The following ZDHHC3 variants were observed in gnomAD, a reference collection of about 807,000 sequenced individuals.
ZDHHC3 encodes the protein palmitoyltransferase ZDHHC3.
Under a neutral mutation model 30.6 loss-of-function variants are expected in ZDHHC3, and 9 were observed. The ratio of observed to expected loss-of-function variants is 0.29; its 90% CI spans 0.18 to 0.51. The LOEUF is 0.51. Ranked by LOEUF, ZDHHC3 falls within the 20% of genes least tolerant of loss-of-function variation. ZDHHC3 has a pLI of 0.97. For synonymous variants in ZDHHC3, 136 were observed against 140.2 expected (o/e 0.97, Z 0.21); for missense variants, 246 against 384.2 (o/e 0.64, Z 3.01).
At chr3:44,975,564 G>C (rs1279134787) in intron 1 of ZDHHC3, 2 of 152,296 alleles carry the variant, frequency 1.3e-5, no homozygotes, top group African/African-American at 2.4e-5. Context: ...GATATTCCTG[G>C]GTGGAGGGGT....
intron 5 of ZDHHC3, among the ~76,000 whole-genome samples, chr3:44,932,492 T>C (rs893991189): frequency 6.6e-6 from 1 of 152,210 alleles, no homozygotes; most frequent in African/African-American, 2.4e-5. Context: ...TGGCCTCTTA[T>C]TTCTTTTCCT....
At chr3:44,944,004 T>G (rs1411557342) in intron 3 of ZDHHC3, among the ~76,000 whole-genome samples, 3 of 152,068 alleles carry the variant, frequency 2.0e-5, no homozygotes, top group African/African-American at 7.2e-5. Flanking sequence ...AGAGACAGGG[T>G]CTCACTTTGT....
chr3:44,933,764 GC>G, intron 4 of ZDHHC3, 123 bp downstream of exon 4: 1 of 865,680 alleles, frequency 1.2e-6, no homozygotes. Flanking sequence ...TGGCAGGAAG[GC>G]AGAGATCTAC....
intron 3 of ZDHHC3, among the ~76,000 whole-genome samples, chr3:44,935,853 C>T (rs982654402): frequency 1.3e-5 from 2 of 152,204 alleles, no homozygotes; most frequent in Admixed American, 1.3e-4. Flanking sequence ...ACACCATATA[C>T]AAAAATCAAC....
rs1267135355 is a variant in ZDHHC3, at chr3:44,923,960, T to C, written c.*2729A>G. The C allele has an allele frequency of 1.7e-5, 17 of 985,464 alleles. No homozygotes were observed. Among genetic ancestry groups the C allele is most frequent in the Non-Finnish European group, 2.0e-5 (17 of 829,928 alleles). The allele number at this position is 985,464 out of a possible 1,614,324, so 61.0% of individuals were successfully genotyped here. A position where few individuals can be genotyped will look rare whatever the true frequency, so the allele number is the denominator to read the frequency against. On this transcript the variant is annotated 3_prime_UTR_variant, in exon 7 of 7. Transcript: ENST00000424952. ...ATAGATTTGCTTGGATCTAAGCCTTTTGCATATTCAGTCTAGTTGCTATGA... is the reference window on the plus strand; with the variant it reads ...ATAGATTTGCTTGGATCTAAGCCTTCTGCATATTCAGTCTAGTTGCTATGA...
chr3:44,933,384 A>G, intron 4 of ZDHHC3, 185 bp from the exon 5 acceptor site: 1 of 617,678 alleles, frequency 1.6e-6, no homozygotes, highest in Non-Finnish European at 2.9e-6. Flanking sequence ...GCCCTGGGTC[A>G]AGTGAGCAGC....
chr3:44,954,386 C>T (rs1017375353), intron 2 of ZDHHC3, among the ~76,000 whole-genome samples: 6 of 152,130 alleles, frequency 3.9e-5, no homozygotes, highest in African/African-American at 1.4e-4. Flanking sequence ...TATCGTGTTA[C>T]AGTTGCCCAC....
chr3:44,920,519 G>A lies in ZDHHC3; in HGVS notation c.*6170C>T. The A allele has an allele frequency of 1.0e-6, 1 of 985,390 alleles. No individual in the cohort carries two copies. Among genetic ancestry groups the A allele is most frequent in the Non-Finnish European group, 1.2e-6 (1 of 829,898 alleles). 61.0% of individuals were successfully genotyped at this position (985,390 alleles called of 1,614,324 possible). On this transcript the variant is annotated 3_prime_UTR_variant, in exon 7 of 7. Transcript: ENST00000424952. ...TGAGGAGGTGGGTATGAGTATTGAT[G>A]ATTGGCAGATGGGGAAGAAACAGAA...
intron 1 of ZDHHC3, among the ~76,000 whole-genome samples, chr3:44,964,323 G>C (rs1704741022): frequency 6.6e-6 from 1 of 152,198 alleles, no homozygotes; most frequent in Non-Finnish European, 1.5e-5. Context: ...GCAGCACCTG[G>C]AGCCAAGTGA....
intron 3 of ZDHHC3, among the ~76,000 whole-genome samples, chr3:44,943,810 A>C (rs2125861844): frequency 6.6e-6 from 1 of 152,246 alleles, no homozygotes; most frequent in South Asian, 2.1e-4. Flanking sequence ...GTTCGAGACC[A>C]GCCTGGGCAA....
rs1285906757 is a variant in ZDHHC3 at position 44,923,377 on chromosome 3, A to C, written c.*3312T>G. The stretch of plus-strand genomic sequence containing the variant: ...AGGCGTGAGGGATGTCCACAGTGAG[A>C]AGTGTCCGCGCCCGGCTTAAAATGT... On this transcript the variant is annotated 3_prime_UTR_variant, in exon 7 of 7. Coordinates refer to ENST00000424952, the MANE Select transcript of ZDHHC3 (RefSeq NM_001135179.2). The C allele has an allele frequency of 1.0e-6, 1 of 985,236 alleles. No individual in the cohort carries two copies. Among genetic ancestry groups the C allele is most frequent in the Non-Finnish European group, 1.2e-6 (1 of 829,920 alleles). The allele number at this position is 985,236 out of a possible 1,614,324, so 61.0% of individuals were successfully genotyped here.
At chr3:44,929,154 C>T in intron 6 of ZDHHC3, 152 bp downstream of exon 6, 3 of 1,042,000 alleles carry the variant, frequency 2.9e-6, no homozygotes, top group Non-Finnish European at 4.1e-6. Context: ...GAAGATGACC[C>T]AAGTGTAACT....
Position 44,976,109 on chromosome 3 carries a change from G to GT in ZDHHC3, c.-202_-201insA. The GT allele has an allele frequency of 2.1e-6, 1 of 478,248 alleles. No individual in the cohort carries two copies. The highest frequency in any genetic ancestry group is 3.5e-6 in the Non-Finnish European group (1 of 286,668). 29.6% of individuals were successfully genotyped at this position (478,248 alleles called of 1,614,324 possible). ...GCCAGACACCGGGCGGCGCGCAGGA[G>GT]AAGCCCATCGAGCTCTCCCGGCAGT... On this transcript the variant is annotated 5_prime_UTR_variant, in exon 1 of 7. The change creates a premature stop within an existing upstream ORF in the 5' untranslated region. Coordinates refer to ENST00000424952, the MANE Select transcript of ZDHHC3 (RefSeq NM_001135179.2).
intron 5 of ZDHHC3, among the ~76,000 whole-genome samples, chr3:44,931,990 CA>C (rs1456881706): frequency 6.6e-6 from 1 of 152,196 alleles, no homozygotes; most frequent in Non-Finnish European, 1.5e-5. Flanking sequence ...ATTACAACAA[CA>C]GGGACATTTT....
At position 44,922,274 on chromosome 3, in the gene ZDHHC3, T is replaced by C. The variant is rs1347202813; in HGVS notation, c.*4415A>G. On this transcript the variant is annotated 3_prime_UTR_variant, in exon 7 of 7. Transcript: ENST00000424952. Reference sequence around the variant, plus strand: ...AGGTCATGTATCCAGGCTGCTACAATGCCCCTGGCTCTAGACTACTCACCG... The same window carrying C: ...AGGTCATGTATCCAGGCTGCTACAACGCCCCTGGCTCTAGACTACTCACCG... 2 of 985,364 alleles carry C rather than the reference T, an allele frequency of 2.0e-6. No individual in the cohort carries two copies. Among genetic ancestry groups the C allele is most frequent in the East Asian group, 1.1e-4 (1 of 8,832 alleles). The allele number at this position is 985,364 out of a possible 1,614,324, so 61.0% of individuals were successfully genotyped here.
chr3:44,916,612 G>A lies in ZDHHC3; in HGVS notation c.*10077C>T, dbSNP rs1259403125. 1 of 152,284 alleles carries A rather than the reference G, an allele frequency of 6.6e-6. No homozygotes were observed. Among genetic ancestry groups the A allele is most frequent in the Admixed American group, 6.5e-5 (1 of 15,286 alleles). 9.4% of individuals were successfully genotyped at this position (152,284 alleles called of 1,614,324 possible). A position where few individuals can be genotyped will look rare whatever the true frequency, so the allele number is the denominator to read the frequency against. ...ACGCTGGGGAAATGGGCCAAAGAGAGGAACAAAGGCACGTGGAGGGAGTGG... is the reference window on the plus strand; with the variant it reads ...ACGCTGGGGAAATGGGCCAAAGAGAAGAACAAAGGCACGTGGAGGGAGTGG... On this transcript the variant is annotated 3_prime_UTR_variant, in exon 7 of 7. Transcript: ENST00000424952.
rs1157872016 is a variant in ZDHHC3, at chr3:44,922,122, C to T, written c.*4567G>A. ...GAGTACGCTGGTCAGTGGCTTGTTT[C>T]TGCTTCACTGTGAATTCTTTCTCTT... On this transcript the variant is annotated 3_prime_UTR_variant, in exon 7 of 7. Transcript: ENST00000424952. 1 of 985,460 alleles carries T rather than the reference C, an allele frequency of 1.0e-6. No individual in the cohort carries two copies. Among genetic ancestry groups the T allele is most frequent in the Non-Finnish European group, 1.2e-6 (1 of 829,934 alleles). The allele number at this position is 985,460 out of a possible 1,614,324, so 61.0% of individuals were successfully genotyped here.
chr3:44,973,175 T>C (rs994082841), intron 1 of ZDHHC3, among the ~76,000 whole-genome samples: 2 of 152,234 alleles, frequency 1.3e-5, no homozygotes, highest in African/African-American at 4.8e-5. Flanking sequence ...ATATAGTTCA[T>C]AGGACAGTTA....
Position 44,920,240 on chromosome 3 carries a change from CCCTCGCCAGG to C in ZDHHC3, c.*6439_*6448del. ...GATGCCATGCTGCTTCCTGACTGGC[CCCTCGCCAGG>C]CCTCCCTTCTTGGCACAGAAGCAGT... is the stretch of plus-strand genomic sequence containing the variant. On this transcript the variant is annotated 3_prime_UTR_variant, in exon 7 of 7. Coordinates refer to ENST00000424952, the MANE Select transcript of ZDHHC3 (RefSeq NM_001135179.2). 7.8e-7 allele frequency: 1 copy of C among 1,289,860 alleles called. No homozygotes were observed. The highest frequency in any genetic ancestry group is 1.0e-6 in the Non-Finnish European group (1 of 988,870). The allele number at this position is 1,289,860 out of a possible 1,614,324, so 79.9% of individuals were successfully genotyped here. A position where few individuals can be genotyped will look rare whatever the true frequency, so the allele number is the denominator to read the frequency against.
Sources: gnomAD v4.1 joint callset for allele counts (sites outside exome capture counted in the v4.1 genomes callset) on GRCh38, gnomAD v4.1.1 for gene constraint, MANE v1.5 for transcripts, NCBI Gene and HGNC (gene_info 2026-07-23, HGNC 2026-07-21) for gene names.